ZNF717: variants seen among roughly 807,000 people sequenced by gnomAD.
ZNF717 encodes zinc finger protein 717.
A neutral mutation model predicts 13.8 loss-of-function variants in ZNF717; 9 were observed. The ratio of observed to expected loss-of-function variants is 0.65; its 90% CI spans 0.39 to 1.14. ZNF717 has a LOEUF of 1.14. Ranked by LOEUF, ZNF717 falls within the 50% of genes most tolerant of loss-of-function variation. The pLI, the probability that ZNF717 is intolerant of heterozygous loss-of-function variation, is 0.01. For missense variants in ZNF717, 1,040 were observed against 1,080.7 expected, an observed-to-expected ratio of 0.96 and a Z score of 0.53; for synonymous variants, 327 against 364.1, an observed-to-expected ratio of 0.90 and a Z score of 1.16.
downstream of ZNF717, among the ~76,000 whole-genome samples, chr3:75,735,635 T>TAA (rs149366090): frequency 1.0e-3 from 80 of 79,834 alleles, 3 homozygotes; most frequent in South Asian, 3.6e-3. Flanking sequence ...ACTGTCTCAA[T>TAA]AAAAAAAAAA....
chr3:75,767,654 AACTACAGCC>A (rs1456035184), intron 2 of ZNF717, among the ~76,000 whole-genome samples: 2 of 152,152 alleles, frequency 1.3e-5, no homozygotes, highest in Non-Finnish European at 2.9e-5. Flanking sequence ...ACTGTGGGAA[AACTACAGCC>A]ACAATACGGA....
At chr3:75,769,238 G>A (rs1438571361) in intron 2 of ZNF717, among the ~76,000 whole-genome samples, 2 of 152,066 alleles carry the variant, frequency 1.3e-5, no homozygotes, top group African/African-American at 2.4e-5. Flanking sequence ...TGGGCCTCTT[G>A]GACACACACC....
chr3:75,762,257 G>A (rs1389397284), intron 2 of ZNF717, among the ~76,000 whole-genome samples: 1 of 151,350 alleles, frequency 6.6e-6, no homozygotes, highest in East Asian at 2.0e-4. Context: ...TGGTCAACAT[G>A]GAGAAACCCT....
intron 2 of ZNF717, among the ~76,000 whole-genome samples, chr3:75,765,035 A>ATATATATATATATATATATG (rs1559662069): frequency 3.7e-5 from 3 of 81,766 alleles, no homozygotes; most frequent in Non-Finnish European, 5.6e-5. Flanking sequence ...ATATATGTAT[A>ATATATATATATATATATATG]TGTGTGTGTG....
chr3:75,783,354 T>C lies in ZNF717; in HGVS notation c.9A>G (p.Pro3=), dbSNP rs1195277099. ...GCTCTTGGAAACAGCCAGAGAACAC[T>C]GGAAACATAGCTGAGAGAGAAGGCA... The part of the protein sequence containing the change: MF[P]VFSGCFQELQ... The change falls in exon 2 of 5, where the codon CCA becomes CCG. Residue 3 remains proline, a synonymous_variant. Transcript: ENST00000652011. 3.9e-6 allele frequency: 6 copies of C among 1,551,092 alleles called. No individual in the cohort carries two copies. The Admixed American group carries it at 5.9e-5, about 15-fold the overall frequency.
intron 6 of ZNF717, among the ~76,000 whole-genome samples, chr3:75,704,626 G>C (rs78885340): frequency 1.2e-3 from 172 of 145,122 alleles, no homozygotes; most frequent in Middle Eastern, 3.6e-3. Context: ...AATGGGTTTG[G>C]CTAAACAAGA....
downstream of ZNF717, among the ~76,000 whole-genome samples, chr3:75,709,197 A>G (rs1162006285): frequency 1.3e-5 from 2 of 151,868 alleles, no homozygotes; most frequent in African/African-American, 4.8e-5. Context: ...ATGTGGTTTC[A>G]CCATGTTGGC....
At chr3:75,758,790 G>C (rs1942716670) in intron 2 of ZNF717, among the ~76,000 whole-genome samples, 1 of 151,926 alleles carries the variant, frequency 6.6e-6, no homozygotes, top group Admixed American at 6.6e-5. Flanking sequence ...AAGGTGGGGG[G>C]ATTGCTTGAG....
At chr3:75,768,298 G>C (rs1943637497) in intron 2 of ZNF717, among the ~76,000 whole-genome samples, 1 of 146,542 alleles carries the variant, frequency 6.8e-6, no homozygotes, top group East Asian at 2.0e-4. Context: ...CTGTGGCTGA[G>C]TGTGTCGGGG....
chr3:75,743,627 A>C (rs1406019450), intron 2 of ZNF717, among the ~76,000 whole-genome samples: 1 of 152,246 alleles, frequency 6.6e-6, no homozygotes, highest in Non-Finnish European at 1.5e-5. Flanking sequence ...GAAGGGAGTA[A>C]AGAGGAAGAC....
intron 2 of ZNF717, among the ~76,000 whole-genome samples, chr3:75,753,465 G>A (rs1421032508): frequency 1.3e-5 from 2 of 151,256 alleles, no homozygotes; most frequent in Admixed American, 6.6e-5. Flanking sequence ...CCCTCACATA[G>A]GATTCCAGAA....
At position 75,737,117 on chromosome 3, in the gene ZNF717, G is replaced by A; in HGVS notation, c.2506C>T (p.His836Tyr). Residue 836 changes from histidine to tyrosine, a missense_variant, in exon 5 of 5, where the codon CAC (histidine) becomes TAC (tyrosine). Physicochemically the swap from His to Tyr is moderately conservative, Grantham distance 83 (BLOSUM62 2). This residue lies in a region of ZNF717 where 873 missense variants were observed against 832.8 expected (regional missense o/e 1.05). Coordinates refer to ENST00000652011, the MANE Select transcript of ZNF717 (RefSeq NM_001290208.3). ...CATCTAAAGGGTTTTTCCCCTGTGT[G>A]AGTTCTGTGATGTACAAAGAGTTTT... ...KSKLFVHHRT[H>Y]TGEKPFRCNE... 6.4e-7 allele frequency: 1 copy of A among 1,571,692 alleles called. No homozygotes were observed. Among genetic ancestry groups the A allele is most frequent in the East Asian group, 2.4e-5 (1 of 42,110 alleles).
intron 2 of ZNF717, among the ~76,000 whole-genome samples, chr3:75,778,519 G>T (rs1486170341): frequency 6.6e-6 from 1 of 151,532 alleles, no homozygotes; most frequent in Non-Finnish European, 1.5e-5. Context: ...CAATGGCAGT[G>T]ACGTGCTAAA....
intron 2 of ZNF717, among the ~76,000 whole-genome samples, chr3:75,772,620 C>G (rs375551063): frequency 2.6e-4 from 40 of 152,378 alleles, no homozygotes; most frequent in East Asian, 2.5e-3. Context: ...GCTGCCCACC[C>G]CACCACAGCT....
At chr3:75,743,845 G>A (rs939938693) in intron 2 of ZNF717, among the ~76,000 whole-genome samples, 44 of 152,230 alleles carry the variant, frequency 2.9e-4, no homozygotes, top group African/African-American at 8.0e-4. Context: ...AAAAGAATAC[G>A]ATAACCAGAA....
chr3:75,751,311 T>A (rs376570967), intron 2 of ZNF717, among the ~76,000 whole-genome samples: 1 of 151,550 alleles, frequency 6.6e-6, no homozygotes, highest in African/African-American at 2.4e-5. Context: ...GGGGTCTGAA[T>A]GTTTGTCCCT....
In ZNF717 at chr3:75,738,553, T is replaced by A; in HGVS notation, c.1070A>T (p.His357Leu). Residue 357 changes from histidine to leucine, a missense_variant, in exon 5 of 5, where the codon CAT (histidine) becomes CTT (leucine). Physicochemically the swap from His to Leu is moderately conservative, Grantham distance 99. Coordinates refer to ENST00000652011, the MANE Select transcript of ZNF717 (RefSeq NM_001290208.3). Reference sequence around the variant, plus strand: ...TTTATCCCCTGTGTGAGTTCTCTCATGTAAAGTGAGGAATGACTTACGGCG... The same window carrying A: ...TTTATCCCCTGTGTGAGTTCTCTCAAGTAAAGTGAGGAATGACTTACGGCG... ...TFRRKSFLTL[H>L]ERTHTGDKPY... 6.5e-7 allele frequency: 1 copy of A among 1,542,024 alleles called. No homozygotes were observed. Among genetic ancestry groups the A allele is most frequent in the South Asian group, 1.2e-5 (1 of 83,516 alleles).
rs77400845 is a variant in ZNF717 at position 75,739,152 on chromosome 3, C to T, written c.471G>A (p.Gly157=). The T allele has an allele frequency of 9.7e-6, 15 of 1,550,798 alleles. No homozygotes were observed. The highest frequency in any genetic ancestry group is 1.3e-5 in the Non-Finnish European group (15 of 1,146,532). ...NNGNSSGMKP[G]QFNDCQNMLF... is the part of the protein sequence containing the mutation. ...GCATGTTCTGGCAATCATTAAACTG[C>T]CCAGGCTTCATTCCTGAACTGTTTC... is the stretch of plus-strand genomic sequence containing the variant. Residue 157 remains glycine (G), a synonymous_variant, in exon 5 of 5, where the codon GGG becomes GGA. Coordinates refer to ENST00000652011, the MANE Select transcript of ZNF717 (RefSeq NM_001290208.3).
intron 2 of ZNF717, among the ~76,000 whole-genome samples, chr3:75,758,331 T>C (rs2107522550): frequency 6.6e-6 from 1 of 152,176 alleles, no homozygotes; most frequent in Non-Finnish European, 1.5e-5. Context: ...CTTCCACAGA[T>C]GAGCAAAGAA....
Sources: gnomAD v4.1 joint callset for allele counts (sites outside exome capture counted in the v4.1 genomes callset) on GRCh38, gnomAD v4.1.1 for gene constraint, gnomAD v4.1.1 regional missense constraint, MANE v1.5 for transcripts, NCBI Gene and HGNC (gene_info 2026-07-23, HGNC 2026-07-21) for gene names.